The following CREB3L2 variants were observed in gnomAD, a reference collection of about 807,000 sequenced individuals.
The protein encoded by CREB3L2 is cyclic AMP-responsive element-binding protein 3-like protein 2.
CREB3L2 carries 23 observed loss-of-function variants against 57.2 expected under a neutral mutation model. The observed-to-expected ratio is 0.40, with a 90% CI of 0.29 to 0.57. The LOEUF (loss-of-function observed/expected upper bound fraction) is 0.57. Among genes scored for constraint, CREB3L2 ranks in the 20% least tolerant of loss-of-function variants. CREB3L2 has a pLI of 0.42. For missense variants in CREB3L2, 628 were observed against 634.7 expected, an observed-to-expected ratio of 0.99 and a Z score of 0.11; for synonymous variants, 268 against 265.1, an observed-to-expected ratio of 1.01 and a Z score of -0.11.
At chr7:137,965,167 C>T (rs1486487643) in intron 1 of CREB3L2, among the ~76,000 whole-genome samples, 1 of 152,172 alleles carries the variant, frequency 6.6e-6, no homozygotes, top group African/African-American at 2.4e-5. Flanking sequence ...ATTCAACTAT[C>T]TCTAAAGCCA....
At position 137,876,901 on chromosome 7, in the gene CREB3L2, G is replaced by A. The variant is rs184468188; in HGVS notation, c.*3575C>T. The stretch of plus-strand genomic sequence containing the variant: ...ATGAATGGGCCATTATTCAACTGGG[G>A]GTGGGATGTCTCCATTTCTGGACTG... On this transcript the variant is annotated 3_prime_UTR_variant, in exon 12 of 12. Coordinates refer to ENST00000330387, the MANE Select transcript of CREB3L2 (RefSeq NM_194071.4). 2.3e-4 allele frequency: 53 copies of A among 232,358 alleles called. No individual in the cohort carries two copies. In the East Asian group the frequency reaches 3.0e-3, roughly 13 times the overall value. The allele number at this position is 232,358 out of a possible 1,614,324, so 14.4% of individuals were successfully genotyped here. A position where few individuals can be genotyped will look rare whatever the true frequency, so the allele number is the denominator to read the frequency against.
At chr7:137,943,530 T>C (rs1382994944) in intron 1 of CREB3L2, among the ~76,000 whole-genome samples, 3 of 152,140 alleles carry the variant, frequency 2.0e-5, no homozygotes, top group African/African-American at 7.2e-5. Flanking sequence ...TACTTTCTCC[T>C]CAACCAAACC....
intron 1 of CREB3L2, among the ~76,000 whole-genome samples, chr7:137,928,920 CG>C (rs572356263): frequency 1.3e-5 from 2 of 152,232 alleles, no homozygotes; most frequent in African/African-American, 4.8e-5. Flanking sequence ...GTGGACAGTG[CG>C]GGGGGCATGA....
intron 1 of CREB3L2, among the ~76,000 whole-genome samples, chr7:137,972,807 CTTATT>C (rs1282021617): frequency 7.4e-6 from 1 of 135,884 alleles, no homozygotes; most frequent in Admixed American, 7.6e-5. Context: ...AGGTTGATTT[CTTATT>C]TTAAATTCCA....
intron 1 of CREB3L2, among the ~76,000 whole-genome samples, chr7:137,933,435 T>C (rs1800704344): frequency 6.6e-6 from 1 of 152,212 alleles, no homozygotes; most frequent in African/African-American, 2.4e-5. Context: ...TTCTTTCTTC[T>C]GAGCAGCACT....
intron 1 of CREB3L2, among the ~76,000 whole-genome samples, chr7:137,930,900 C>A (rs530288946): frequency 6.7e-6 from 1 of 149,006 alleles, no homozygotes; most frequent in South Asian, 2.2e-4. Context: ...TTATACATAT[C>A]ATGAACAATT....
intron 1 of CREB3L2, among the ~76,000 whole-genome samples, chr7:137,954,317 A>G (rs1801164816): frequency 6.6e-6 from 1 of 152,196 alleles, no homozygotes; most frequent in South Asian, 2.1e-4. Context: ...TCCTAGGGAC[A>G]TAATCCACAG....
intron 4 of CREB3L2, among the ~76,000 whole-genome samples, chr7:137,908,899 C>T (rs905111334): frequency 6.6e-6 from 1 of 152,066 alleles, no homozygotes; most frequent in East Asian, 1.9e-4. Context: ...TCGCTTGAAC[C>T]CAGGAGGCAG....
chr7:137,909,935 T>A (rs1182156732), intron 4 of CREB3L2, among the ~76,000 whole-genome samples: 1 of 152,200 alleles, frequency 6.6e-6, no homozygotes, highest in East Asian at 1.9e-4. Context: ...CCCTTTTGCT[T>A]GGTTCTCATT....
chr7:137,896,801 G>T (rs1207770432), intron 8 of CREB3L2, among the ~76,000 whole-genome samples: 1 of 152,198 alleles, frequency 6.6e-6, no homozygotes, highest in African/African-American at 2.4e-5. Context: ...GTACAGGGAA[G>T]GAGGCCAAGG....
intron 3 of CREB3L2, among the ~76,000 whole-genome samples, chr7:137,914,106 C>A (rs2117217019): frequency 6.6e-6 from 1 of 151,606 alleles, no homozygotes; most frequent in South Asian, 2.1e-4. Flanking sequence ...GGACTGTGCA[C>A]CAAGCCACAT....
At chr7:137,986,928 C>T (rs1179383802) in intron 1 of CREB3L2, among the ~76,000 whole-genome samples, 1 of 152,206 alleles carries the variant, frequency 6.6e-6, no homozygotes, top group Non-Finnish European at 1.5e-5. Flanking sequence ...AACATGATGC[C>T]TCGAGCCCAA....
intron 6 of CREB3L2, among the ~76,000 whole-genome samples, chr7:137,904,902 C>A (rs928498398): frequency 6.6e-6 from 1 of 151,548 alleles, no homozygotes; most frequent in Non-Finnish European, 1.5e-5. Flanking sequence ...AAGAGCCAGG[C>A]CAGAACATGT....
At chr7:137,905,286 A>AT (rs1554495726) in intron 6 of CREB3L2, among the ~76,000 whole-genome samples, 1 of 148,650 alleles carries the variant, frequency 6.7e-6, no homozygotes, top group African/African-American at 2.5e-5. Flanking sequence ...ATATATATAT[A>AT]ATATATATAT....
At chr7:137,935,533 C>T (rs1327420676) in intron 1 of CREB3L2, among the ~76,000 whole-genome samples, 2 of 152,224 alleles carry the variant, frequency 1.3e-5, no homozygotes, top group East Asian at 1.9e-4. Context: ...TTTGATGTTC[C>T]TTTCATTGCC....
rs375928652 is a variant in CREB3L2, at chr7:137,901,203, G to C, written c.1043+151C>G. On this transcript the variant is annotated intron_variant, in intron 8 of 11. Coordinates refer to ENST00000330387, the MANE Select transcript of CREB3L2 (RefSeq NM_194071.4). ...GTGTGTGTGTAGCAGGAGTGGGTGGGTGGAGTTTGGCCATGCTGAGCATCT... is the reference window on the plus strand; with the variant it reads ...GTGTGTGTGTAGCAGGAGTGGGTGGCTGGAGTTTGGCCATGCTGAGCATCT... 1.2e-3 allele frequency: 749 copies of C among 610,138 alleles called. 1 individual carries two copies. The highest frequency in any genetic ancestry group is 9.3e-3 in the African/African-American group (504 of 54,420). The allele number at this position is 610,138 out of a possible 1,614,324, so 37.8% of individuals were successfully genotyped here. A position where few individuals can be genotyped will look rare whatever the true frequency, so the allele number is the denominator to read the frequency against.
At chr7:137,935,717 G>A (rs6956518) in intron 1 of CREB3L2, among the ~76,000 whole-genome samples, 38 of 152,024 alleles carry the variant, frequency 2.5e-4, no homozygotes, top group African/African-American at 7.3e-4. Flanking sequence ...ACATCCTAAC[G>A]AAATAGAAGA....
intron 1 of CREB3L2, among the ~76,000 whole-genome samples, chr7:137,974,131 T>C (rs1225376765): frequency 6.6e-6 from 1 of 152,190 alleles, no homozygotes; most frequent in African/African-American, 2.4e-5. Flanking sequence ...ATTGGTTTCA[T>C]TCATTGAACA....
chr7:137,913,987 C>T (rs539947675), intron 3 of CREB3L2, among the ~76,000 whole-genome samples: 224 of 152,176 alleles, frequency 1.5e-3, no homozygotes, highest in Non-Finnish European at 2.6e-3. Flanking sequence ...CGTAAAGCAG[C>T]CTGTAAATTA....
Sources: gnomAD v4.1 joint callset for allele counts (sites outside exome capture counted in the v4.1 genomes callset) on GRCh38, gnomAD v4.1.1 for gene constraint, MANE v1.5 for transcripts, NCBI Gene and HGNC (gene_info 2026-07-23, HGNC 2026-07-21) for gene names.